CAST: variants seen among roughly 807,000 people sequenced by gnomAD.
CAST encodes MIR583 host.
In CAST, 76 loss-of-function variants were observed where a neutral mutation model predicts 119.6. That is an observed-to-expected ratio of 0.64 (90% confidence interval 0.53 to 0.77). CAST has a LOEUF of 0.77. Ranked by LOEUF, CAST falls within the 30% of genes least tolerant of loss-of-function variation. The pLI, the probability that CAST is intolerant of heterozygous loss-of-function variation, is 0.00. For missense variants in CAST, 953 were observed against 946.5 expected (o/e 1.01, Z -0.09); for synonymous variants, 319 against 331.6 (o/e 0.96, Z 0.41).
chr5:96,385,538 T>A, the CAST span, among the ~76,000 whole-genome samples: 1 of 152,242 alleles, frequency 6.6e-6, no homozygotes, highest in Admixed American at 6.5e-5. Context: ...ACTTGTAGGA[T>A]AATGCAAGCA....
chr5:96,228,003 CTGTGTG>C, the CAST span, among the ~76,000 whole-genome samples: 1,327 of 146,680 alleles, frequency 9.0e-3, 9 homozygotes, highest in Admixed American at 0.018. Flanking sequence ...CTTTCTCTCT[CTGTGTG>C]TGTGTGTGTG....
At chr5:96,157,427 G>T in the CAST span, among the ~76,000 whole-genome samples, 2 of 152,244 alleles carry the variant, frequency 1.3e-5, no homozygotes, top group African/African-American at 4.8e-5. Context: ...CACAGATGTT[G>T]TGGATTTGGA....
At chr5:96,623,875 T>C (rs1747666425) in intron 1 of CAST, among the ~76,000 whole-genome samples, 1 of 151,968 alleles carries the variant, frequency 6.6e-6, no homozygotes, top group African/African-American at 2.4e-5. Context: ...TTTTTTTTAT[T>C]TCATGTAGAG....
At chr5:96,553,800 C>A (rs1299416488) in intron 1 of CAST, among the ~76,000 whole-genome samples, 1 of 152,154 alleles carries the variant, frequency 6.6e-6, no homozygotes, top group East Asian at 1.9e-4. Context: ...AACTCCCATT[C>A]TCAATTGCTA....
At position 96,741,468 on chromosome 5, in the gene CAST, C is replaced by G; in HGVS notation, c.1012-26C>G. 4 of 1,573,404 alleles carry G rather than the reference C, an allele frequency of 2.5e-6. No individual in the cohort carries two copies. In the South Asian group the frequency reaches 3.3e-5, roughly 13 times the overall value. ...AGTTAAACTTTCCTCATCTGTAAGT[C>G]TAATCTTTTGTATTTTGTTTTTCAG... On this transcript the variant is annotated intron_variant, in intron 14 of 31. Coordinates refer to ENST00000675179, the MANE Select transcript of CAST (RefSeq NM_001750.7).
the CAST span, among the ~76,000 whole-genome samples, chr5:96,241,633 C>T: frequency 7.7e-5 from 11 of 142,678 alleles, no homozygotes; most frequent in Admixed American, 2.8e-4. Context: ...CCTGAGGAAT[C>T]GCCACACTGA....
At chr5:96,274,176 A>G in the CAST span, among the ~76,000 whole-genome samples, 3 of 150,600 alleles carry the variant, frequency 2.0e-5, no homozygotes, top group Non-Finnish European at 4.4e-5. Context: ...ATCTTGGCTC[A>G]TTGCAAGCTC....
chr5:96,020,678 T>C, the CAST span, among the ~76,000 whole-genome samples: 1 of 152,208 alleles, frequency 6.6e-6, no homozygotes, highest in Admixed American at 6.5e-5. Context: ...ACAGTCTAGT[T>C]GCAGGAAAAC....
chr5:96,222,235 C>T, the CAST span, among the ~76,000 whole-genome samples: 1 of 151,802 alleles, frequency 6.6e-6, no homozygotes, highest in Non-Finnish European at 1.5e-5. Context: ...AAAAGCACAG[C>T]CAACTAAAAC....
At chr5:96,050,932 T>G in the CAST span, among the ~76,000 whole-genome samples, 1 of 152,032 alleles carries the variant, frequency 6.6e-6, no homozygotes, top group East Asian at 1.9e-4. Flanking sequence ...AATAAATGAT[T>G]TATATAATTT....
At chr5:96,254,395 A>T in the CAST span, among the ~76,000 whole-genome samples, 2 of 152,210 alleles carry the variant, frequency 1.3e-5, no homozygotes, top group African/African-American at 4.8e-5. Flanking sequence ...TAATTCACAA[A>T]GAGCAGGAAT....
the CAST span, among the ~76,000 whole-genome samples, chr5:96,405,007 A>G: frequency 1.3e-5 from 2 of 152,194 alleles, no homozygotes; most frequent in Non-Finnish European, 2.9e-5. Flanking sequence ...GCACATGATT[A>G]AATGATTTTC....
At chr5:96,310,794 T>C in the CAST span, among the ~76,000 whole-genome samples, 1 of 151,796 alleles carries the variant, frequency 6.6e-6, no homozygotes, top group Non-Finnish European at 1.5e-5. Flanking sequence ...CTGGTTTTGT[T>C]TATTTGAATC....
chr5:96,641,525 A>G (rs1277853512), intron 1 of CAST, among the ~76,000 whole-genome samples: 2 of 152,034 alleles, frequency 1.3e-5, no homozygotes, highest in African/African-American at 2.4e-5. Context: ...GTCCCTTTTC[A>G]ATGTTTACAG....
chr5:96,017,719 C>T, the CAST span, among the ~76,000 whole-genome samples: 5 of 152,056 alleles, frequency 3.3e-5, no homozygotes, highest in Non-Finnish European at 7.4e-5. Flanking sequence ...TAGGACCCCT[C>T]TTAGCATTTA....
chr5:96,307,535 T>G, the CAST span, among the ~76,000 whole-genome samples: 2 of 152,234 alleles, frequency 1.3e-5, no homozygotes, highest in Non-Finnish European at 2.9e-5. Context: ...TGATGCAGTT[T>G]CTTCATAGTG....
At chr5:96,268,876 C>A in the CAST span, among the ~76,000 whole-genome samples, 1 of 152,254 alleles carries the variant, frequency 6.6e-6, no homozygotes, top group South Asian at 2.1e-4. Flanking sequence ...AGGGGAGAGA[C>A]CAAATGGGAG....
intron 1 of CAST, among the ~76,000 whole-genome samples, chr5:96,583,510 G>A (rs72772010): frequency 0.04 from 6,058 of 152,140 alleles, 179 homozygotes; most frequent in African/African-American, 0.085. Context: ...TCGAAGTTCT[G>A]GCTCAGTTTC....
At chr5:95,970,614 C>T in the CAST span, among the ~76,000 whole-genome samples, 2 of 152,134 alleles carry the variant, frequency 1.3e-5, no homozygotes, top group Non-Finnish European at 2.9e-5. Flanking sequence ...TCTCTGAGAG[C>T]CGATATTATT....
Sources: allele counts gnomAD v4.1 joint callset (sites outside exome capture counted in the v4.1 genomes callset), GRCh38; gene constraint gnomAD v4.1.1; transcripts MANE v1.5; gene names NCBI Gene and HGNC (gene_info 2026-07-23, HGNC 2026-07-21).